The following HCK variants were observed in gnomAD, a reference collection of about 807,000 sequenced individuals.
HCK encodes tyrosine-protein kinase HCK.
Under a neutral mutation model 70.4 loss-of-function variants are expected in HCK, and 40 were observed. The observed-to-expected ratio is 0.57, with a 90% CI of 0.44 to 0.74. The LOEUF is 0.74. HCK is among the 30% of genes least tolerant of loss of function. The pLI, the probability that HCK is intolerant of heterozygous loss-of-function variation, is 0.00. For missense variants in HCK, 568 were observed against 697.2 expected, an observed-to-expected ratio of 0.81 and a Z score of 2.09; for synonymous variants, 245 against 263.2, an observed-to-expected ratio of 0.93 and a Z score of 0.67.
At chr20:32,052,672 T>A (rs961703232) in intron 1 of HCK, among the ~76,000 whole-genome samples, 186 bp downstream of exon 1, 4 of 150,674 alleles carry the variant, frequency 2.7e-5, no homozygotes, top group Non-Finnish European at 4.4e-5. Flanking sequence ...GAGGGTGCCC[T>A]AGGGAGGGGC....
intron 5 of HCK, among the ~76,000 whole-genome samples, 169 bp downstream of exon 5, chr20:32,074,890 G>C (rs76365699): frequency 0.012 from 1,774 of 152,288 alleles, 45 homozygotes; most frequent in African/African-American, 0.041. Flanking sequence ...TCCAGTCAGG[G>C]AAGAGAGGCT....
intron 10 of HCK, among the ~76,000 whole-genome samples, chr20:32,092,283 T>A (rs1422305541): frequency 6.6e-6 from 1 of 152,192 alleles, no homozygotes; most frequent in Non-Finnish European, 1.5e-5. Context: ...ATTCAGAATT[T>A]TCCTGGTGGT....
intron 6 of HCK, among the ~76,000 whole-genome samples, chr20:32,080,281 C>A (rs1180068798): frequency 1.3e-5 from 2 of 152,054 alleles, no homozygotes; most frequent in Admixed American, 6.6e-5. Context: ...TCACTGCAAC[C>A]TCCACCTCCC....
chr20:32,078,231 G>A lies in HCK; in HGVS notation c.429-1543G>A, dbSNP rs1226750398. The stretch of plus-strand genomic sequence containing the variant: ...TTTTTTTTTTTTTGTATTTTTAGTC[G>A]AGACGGGGTTTCACCATGTTAGCCA... On this transcript the variant is annotated intron_variant, in intron 5 of 12. Coordinates refer to ENST00000375852, the MANE Select transcript of HCK (RefSeq NM_002110.5). Among the ~76,000 whole-genome samples the A allele has an allele frequency of 4.2e-5, 6 of 144,334 alleles. No individual in the cohort carries two copies. The East Asian group carries it at 1.2e-3, about 29-fold the overall frequency. 94.7% of individuals were successfully genotyped at this position (144,334 alleles called of 152,430 possible).
At position 32,096,253 on chromosome 20, in the gene HCK, C is replaced by G. The variant is rs180943454; in HGVS notation, c.1246+2237C>G. On this transcript the variant is annotated intron_variant, in intron 11 of 12. Transcript: ENST00000375852. ...GTGGCTCACACCTGTAATACCAGCA[C>G]TTTGGGAGGCCAAGGCAGGCGGATC... is the stretch of plus-strand genomic sequence containing the variant. Among the ~76,000 whole-genome samples, 232 of 151,034 alleles carry G rather than the reference C, an allele frequency of 1.5e-3. 1 individual carries two copies. Among genetic ancestry groups the G allele is most frequent in the African/African-American group, 5.5e-3 (226 of 41,264 alleles).
rs376386946 is a variant in HCK at position 32,073,377 on chromosome 20, C to T, written c.226+16C>T. ...ATCAGGGAGGGTAAGTATCTACGAG[C>T]AGATGCAGTGGAGTCATGTGTCCTG... On this transcript the variant is annotated intron_variant, in intron 3 of 12. Transcript: ENST00000375852. 33 of 1,608,122 alleles carry T rather than the reference C, an allele frequency of 2.1e-5. No individual in the cohort carries two copies. The highest frequency in any genetic ancestry group is 2.6e-5 in the Non-Finnish European group (31 of 1,176,694).
chr20:32,063,393 C>A (rs537501816), intron 1 of HCK, among the ~76,000 whole-genome samples: 5 of 152,292 alleles, frequency 3.3e-5, no homozygotes, highest in East Asian at 3.9e-4. Context: ...GCTGGGAATA[C>A]AGGCACATGC....
At chr20:32,052,787 G>T (rs1362890527) in intron 1 of HCK, among the ~76,000 whole-genome samples, 2 of 130,836 alleles carry the variant, frequency 1.5e-5, no homozygotes, top group Non-Finnish European at 3.2e-5. Context: ...CTTCTTGGGG[G>T]GGGGCGGGGA....
chr20:32,081,448 A>C (rs1016250217), intron 6 of HCK, among the ~76,000 whole-genome samples: 1 of 152,190 alleles, frequency 6.6e-6, no homozygotes, highest in Non-Finnish European at 1.5e-5. Context: ...TGCTAAGTGC[A>C]CCTTTACTAA....
chr20:32,096,394 G>A (rs2045955457), intron 11 of HCK, among the ~76,000 whole-genome samples: 1 of 151,492 alleles, frequency 6.6e-6, no homozygotes, highest in Non-Finnish European at 1.5e-5. Context: ...CTACTCGGGA[G>A]GCTGAGGCAG....
At chr20:32,083,767 C>T (rs762048612) in intron 6 of HCK, 127 bp from the exon 7 acceptor site, 2 of 1,107,780 alleles carry the variant, frequency 1.8e-6, no homozygotes, top group Non-Finnish European at 2.7e-6. Flanking sequence ...CCCACTCAGA[C>T]CCTCGGGCAC....
intron 1 of HCK, among the ~76,000 whole-genome samples, chr20:32,053,845 T>G (rs2045221674): frequency 6.6e-6 from 1 of 152,094 alleles, no homozygotes; most frequent in Non-Finnish European, 1.5e-5. Flanking sequence ...AGTAGCTCTG[T>G]GCAGGACAAT....
intron 5 of HCK, among the ~76,000 whole-genome samples, chr20:32,076,205 A>G (rs2045623096): frequency 1.3e-5 from 2 of 152,168 alleles, no homozygotes; most frequent in Non-Finnish European, 2.9e-5. Context: ...GCGTGCCTGT[A>G]GTCCCAGCTA....
chr20:32,057,455 C>G (rs1568952966), intron 1 of HCK, among the ~76,000 whole-genome samples: 1 of 152,104 alleles, frequency 6.6e-6, no homozygotes, highest in Non-Finnish European at 1.5e-5. Flanking sequence ...CAAAAATTAG[C>G]TGGGTGTGGT....
At chr20:32,057,618 G>T (rs1055491656) in intron 1 of HCK, among the ~76,000 whole-genome samples, 3 of 152,086 alleles carry the variant, frequency 2.0e-5, no homozygotes, top group Non-Finnish European at 4.4e-5. Flanking sequence ...AAAAGAAAAG[G>T]AATGTGAAGC....
chr20:32,091,743 T>C (rs2045866103), intron 10 of HCK, among the ~76,000 whole-genome samples: 1 of 151,876 alleles, frequency 6.6e-6, no homozygotes, highest in Admixed American at 6.6e-5. Flanking sequence ...CCCAGCACTT[T>C]GGGAAGCTGA....
intron 2 of HCK, 122 bp downstream of exon 2, chr20:32,071,904 G>A (rs772376584): frequency 2.6e-5 from 32 of 1,211,668 alleles, no homozygotes; most frequent in Non-Finnish European, 3.5e-5. Context: ...GAGCTGACTG[G>A]CCACCAACAG....
intron 11 of HCK, 33 bp from the exon 12 acceptor site, chr20:32,098,971 C>T: frequency 1.2e-6 from 2 of 1,607,554 alleles, no homozygotes; most frequent in South Asian, 2.2e-5. Flanking sequence ...TACTCCCCAG[C>T]CTTCCCCGAC....
At chr20:32,058,643 C>T (rs2045314061) in intron 1 of HCK, among the ~76,000 whole-genome samples, 1 of 149,838 alleles carries the variant, frequency 6.7e-6, no homozygotes, top group Non-Finnish European at 1.5e-5. Flanking sequence ...CACACACATA[C>T]ACACACTAGT....
Sources: allele counts gnomAD v4.1 joint callset (sites outside exome capture counted in the v4.1 genomes callset), GRCh38; gene constraint gnomAD v4.1.1; transcripts MANE v1.5; gene names NCBI Gene and HGNC (gene_info 2026-07-23, HGNC 2026-07-21).